ESRRB: variants seen among roughly 807,000 people sequenced by gnomAD.
ESRRB encodes the protein estrogen related receptor beta, also known as steroid hormone receptor ERR2.
ESRRB carries 16 observed loss-of-function variants against 46.0 expected under a neutral mutation model. The ratio of observed to expected loss-of-function variants is 0.35; its 90% CI spans 0.24 to 0.53. The LOEUF is 0.53. Ranked by LOEUF, ESRRB falls within the 20% of genes least tolerant of loss-of-function variation. The pLI is 0.93. For synonymous variants in ESRRB, 246 were observed against 259.6 expected, an observed-to-expected ratio of 0.95 and a Z score of 0.50; for missense variants, 488 against 607.4, an observed-to-expected ratio of 0.80 and a Z score of 2.07.
At chr14:76,353,545 C>G (rs1884339552) in intron 1 of ESRRB, among the ~76,000 whole-genome samples, 1 of 152,174 alleles carries the variant, frequency 6.6e-6, no homozygotes, top group Non-Finnish European at 1.5e-5. Context: ...AGGCACTGTT[C>G]TAAGTGCTTT....
At chr14:76,365,718 G>C (rs1224078744) in intron 1 of ESRRB, among the ~76,000 whole-genome samples, 1 of 152,162 alleles carries the variant, frequency 6.6e-6, no homozygotes, top group Non-Finnish European at 1.5e-5. Flanking sequence ...CTAATTTGAA[G>C]CTTACATATA....
chr14:76,493,181 G>A (rs1890291100), intron 6 of ESRRB, among the ~76,000 whole-genome samples: 2 of 151,984 alleles, frequency 1.3e-5, no homozygotes, highest in South Asian at 4.2e-4. Flanking sequence ...TTGAGACAGA[G>A]TCTCACTCTG....
At chr14:76,322,159 T>G (rs751853149) in intron 1 of ESRRB, among the ~76,000 whole-genome samples, 1 of 152,212 alleles carries the variant, frequency 6.6e-6, no homozygotes, top group Non-Finnish European at 1.5e-5. Flanking sequence ...CACAGACCCA[T>G]GTGAAAGAGA....
chr14:76,322,577 T>C (rs560261539), intron 1 of ESRRB, among the ~76,000 whole-genome samples: 39 of 152,260 alleles, frequency 2.6e-4, no homozygotes, highest in Admixed American at 2.2e-3. Context: ...ACCATACTCT[T>C]TCCACAGGTC....
At chr14:76,311,974 G>GAA (rs11384140) in intron 1 of ESRRB, among the ~76,000 whole-genome samples, 8,122 of 81,428 alleles carry the variant, frequency 0.1, 286 homozygotes, top group Middle Eastern at 0.19. Context: ...CCTACATTTT[G>GAA]AAAAAAAAAA....
intron 5 of ESRRB, among the ~76,000 whole-genome samples, chr14:76,491,092 A>G (rs1001591707): frequency 6.6e-6 from 1 of 152,216 alleles, no homozygotes; most frequent in Non-Finnish European, 1.5e-5. Flanking sequence ...TCCTGGTTCC[A>G]GTATGTACTC....
chr14:76,342,334 A>T (rs2139752154), intron 1 of ESRRB, among the ~76,000 whole-genome samples: 1 of 152,264 alleles, frequency 6.6e-6, no homozygotes, highest in Admixed American at 6.5e-5. Flanking sequence ...TCTGGCAGGA[A>T]AGAAGGAACA....
At chr14:76,397,590 T>A (rs957917311) in intron 1 of ESRRB, among the ~76,000 whole-genome samples, 5 of 152,116 alleles carry the variant, frequency 3.3e-5, no homozygotes, top group African/African-American at 1.2e-4. Flanking sequence ...GGACAAAATT[T>A]GGGCAAAAAT....
At chr14:76,453,984 A>T (rs117106885) in intron 2 of ESRRB, among the ~76,000 whole-genome samples, 169 of 152,240 alleles carry the variant, frequency 1.1e-3, no homozygotes, top group Admixed American at 2.5e-3. Flanking sequence ...TTCATTACAA[A>T]CCAGGCGACT....
At chr14:76,380,214 T>C (rs1170626153) in intron 1 of ESRRB, among the ~76,000 whole-genome samples, 2 of 152,220 alleles carry the variant, frequency 1.3e-5, no homozygotes, top group African/African-American at 4.8e-5. Context: ...GCCTTGTTTC[T>C]TTTGAGCAAA....
intron 1 of ESRRB, among the ~76,000 whole-genome samples, chr14:76,324,963 CTTTTTTTT>C (rs34780208): frequency 7.5e-4 from 77 of 102,200 alleles, no homozygotes; most frequent in South Asian, 1.8e-3. Flanking sequence ...TTTTCTTTTT[CTTTTTTTT>C]TTTTTTTTTT....
chr14:76,443,712 G>A (rs1458658742), intron 2 of ESRRB, among the ~76,000 whole-genome samples: 1 of 151,602 alleles, frequency 6.6e-6, no homozygotes, highest in Non-Finnish European at 1.5e-5. Flanking sequence ...GAAAGCAGAG[G>A]TTAATGTGTG....
At chr14:76,318,097 C>T (rs1385588826) in intron 1 of ESRRB, among the ~76,000 whole-genome samples, 2 of 152,192 alleles carry the variant, frequency 1.3e-5, no homozygotes, top group African/African-American at 4.8e-5. Flanking sequence ...TAAATTTTGG[C>T]TTTAATTTGT....
intron 1 of ESRRB, among the ~76,000 whole-genome samples, chr14:76,406,262 T>C (rs1316301321): frequency 6.6e-6 from 1 of 151,946 alleles, no homozygotes; most frequent in East Asian, 1.9e-4. Context: ...TGACTGGAGA[T>C]GTCTCTGAGG....
chr14:76,326,200 G>T (rs1471155319), intron 1 of ESRRB, among the ~76,000 whole-genome samples: 1 of 152,028 alleles, frequency 6.6e-6, no homozygotes, highest in Non-Finnish European at 1.5e-5. Flanking sequence ...TTTAACACTT[G>T]CTCTGTGCTG....
intron 1 of ESRRB, among the ~76,000 whole-genome samples, chr14:76,432,670 TC>T: frequency 8.9e-6 from 1 of 112,406 alleles, no homozygotes; most frequent in Admixed American, 8.0e-5. Flanking sequence ...TTTCTCTCTC[TC>T]TTTTTTTTTT....
At chr14:76,349,640 G>C (rs1164733715) in intron 1 of ESRRB, among the ~76,000 whole-genome samples, 1 of 152,090 alleles carries the variant, frequency 6.6e-6, no homozygotes, top group Non-Finnish European at 1.5e-5. Context: ...CCTAGTGGGT[G>C]GTAAGAGAAG....
At chr14:76,431,276 A>G (rs2139912383) in intron 1 of ESRRB, among the ~76,000 whole-genome samples, 1 of 152,332 alleles carries the variant, frequency 6.6e-6, no homozygotes, top group Middle Eastern at 3.4e-3. Context: ...CCTGGATGAC[A>G]GAACAAGACT....
At chr14:76,470,918 C>T (rs1889353944) in intron 3 of ESRRB, among the ~76,000 whole-genome samples, 1 of 152,168 alleles carries the variant, frequency 6.6e-6, no homozygotes, top group African/African-American at 2.4e-5. Context: ...GTCTCGAACC[C>T]CTGGCATAAA....
Sources: gnomAD v4.1 joint callset for allele counts (sites outside exome capture counted in the v4.1 genomes callset) on GRCh38, gnomAD v4.1.1 for gene constraint, MANE v1.5 for transcripts, NCBI Gene and HGNC (gene_info 2026-07-23, HGNC 2026-07-21) for gene names.